Variants in OPCML observed in about 807,000 individuals in gnomAD.
The protein encoded by OPCML is opioid binding protein/cell adhesion molecule like.
OPCML carries 13 observed loss-of-function variants against 37.8 expected under a neutral mutation model. The observed-to-expected ratio is 0.34, with a 90% CI of 0.22 to 0.55. The LOEUF is 0.55. Among genes scored for constraint, OPCML ranks in the 20% least tolerant of loss-of-function variants. The probability of loss-of-function intolerance (pLI) is 0.91; values close to 1 mark genes in which losing one functional copy is unlikely to be tolerated. For synonymous variants in OPCML, 176 were observed against 168.8 expected (o/e 1.04, Z -0.33); for missense variants, 341 against 435.6 (o/e 0.78, Z 1.93).
chr11:133,497,856 C>A (rs1463085754), intron 1 of OPCML, among the ~76,000 whole-genome samples: 1 of 152,230 alleles, frequency 6.6e-6, no homozygotes, highest in Non-Finnish European at 1.5e-5. Flanking sequence ...CTTTATTAAA[C>A]CTGGGTCACC....
At chr11:132,734,663 T>C (rs1337198744) in intron 2 of OPCML, among the ~76,000 whole-genome samples, 2 of 152,214 alleles carry the variant, frequency 1.3e-5, no homozygotes, top group Non-Finnish European at 1.5e-5. Flanking sequence ...AACATTATTG[T>C]GGTTTTAATC....
chr11:133,125,933 A>G (rs1306751433), intron 1 of OPCML, among the ~76,000 whole-genome samples: 2 of 149,310 alleles, frequency 1.3e-5, no homozygotes, highest in Non-Finnish European at 3.0e-5. Context: ...GTATATACAC[A>G]TGTATATATA....
At chr11:133,314,018 G>A (rs61912384) in intron 1 of OPCML, among the ~76,000 whole-genome samples, 14,587 of 151,458 alleles carry the variant, frequency 0.096, 941 homozygotes, top group South Asian at 0.21. Context: ...GGCGGATCAC[G>A]AGGTCAGGAG....
At chr11:132,960,425 G>A (rs1420001071) in intron 1 of OPCML, among the ~76,000 whole-genome samples, 1 of 152,190 alleles carries the variant, frequency 6.6e-6, no homozygotes, top group Non-Finnish European at 1.5e-5. Flanking sequence ...CAGGAGGTTG[G>A]GGCGAGGCCA....
chr11:132,709,887 C>G (rs1944188985), intron 2 of OPCML, among the ~76,000 whole-genome samples: 1 of 152,206 alleles, frequency 6.6e-6, no homozygotes, highest in Admixed American at 6.5e-5. Context: ...CTAATTTAAG[C>G]ATTGGTCAGT....
rs1452237825 is a variant in OPCML at position 132,419,167 on chromosome 11, A to G, written c.*1026T>C. On this transcript the variant is annotated 3_prime_UTR_variant, in exon 8 of 8. Coordinates refer to ENST00000524381, the MANE Select transcript of OPCML (RefSeq NM_001012393.5). Reference sequence around the variant, plus strand: ...GCCAATGTCTGCTGATGGTGTATAAATGAATACAGTGGGAGAGATACAATA... The same window carrying G: ...GCCAATGTCTGCTGATGGTGTATAAGTGAATACAGTGGGAGAGATACAATA... 1.3e-5 allele frequency: 2 copies of G among 152,422 alleles called. No individual in the cohort carries two copies. The highest frequency in any genetic ancestry group is 4.8e-5 in the African/African-American group (2 of 41,474). 9.4% of individuals were successfully genotyped at this position (152,422 alleles called of 1,614,324 possible).
intron 2 of OPCML, among the ~76,000 whole-genome samples, chr11:132,796,607 T>A (rs971616977): frequency 7.1e-6 from 1 of 140,932 alleles, no homozygotes; most frequent in African/African-American, 2.6e-5. Context: ...GGAGCCTCGC[T>A]CTGTCACCCA....
chr11:132,828,852 G>C (rs1477795588), intron 2 of OPCML, among the ~76,000 whole-genome samples: 1 of 152,208 alleles, frequency 6.6e-6, no homozygotes, highest in Non-Finnish European at 1.5e-5. Flanking sequence ...GAACTGGGCA[G>C]AGAATATGAT....
intron 2 of OPCML, among the ~76,000 whole-genome samples, chr11:132,917,133 TA>T (rs1944633391): frequency 6.6e-6 from 1 of 152,110 alleles, no homozygotes; most frequent in African/African-American, 2.4e-5. Flanking sequence ...TGGAGTTAAT[TA>T]GACAAATACC....
intron 1 of OPCML, among the ~76,000 whole-genome samples, chr11:133,493,636 A>G (rs1044017596): frequency 2.0e-5 from 3 of 152,232 alleles, no homozygotes; most frequent in Admixed American, 6.5e-5. Flanking sequence ...AAAAATAAGC[A>G]TGCATTTAGT....
At chr11:132,740,511 T>C (rs1945403011) in intron 2 of OPCML, among the ~76,000 whole-genome samples, 1 of 152,196 alleles carries the variant, frequency 6.6e-6, no homozygotes, top group Admixed American at 6.5e-5. Context: ...TCAGACTATT[T>C]CTGTACCATC....
intron 1 of OPCML, among the ~76,000 whole-genome samples, chr11:133,409,005 C>T (rs1945587546): frequency 6.6e-6 from 1 of 152,190 alleles, no homozygotes; most frequent in African/African-American, 2.4e-5. Context: ...TGCCAGACTT[C>T]CTGGGTGTCT....
At chr11:132,695,396 G>C (rs924616534) in intron 2 of OPCML, among the ~76,000 whole-genome samples, 1 of 152,178 alleles carries the variant, frequency 6.6e-6, no homozygotes, top group African/African-American at 2.4e-5. Flanking sequence ...AAGTGCGGGA[G>C]GCAGGAGCAG....
At position 133,480,507 on chromosome 11, in the gene OPCML, G is replaced by A. The variant is rs149398440; in HGVS notation, c.61+51757C>T. On this transcript the variant is annotated intron_variant, in intron 1 of 7. Transcript: ENST00000524381. ...CTCGCCACGTGACTTAAGAGCCACAGTGTCTGGTTTATGATCTGCTCCCTC... is the reference window on the plus strand; with the variant it reads ...CTCGCCACGTGACTTAAGAGCCACAATGTCTGGTTTATGATCTGCTCCCTC... 2.5e-4 allele frequency among the ~76,000 whole-genome samples: 38 copies of A among 152,348 alleles called. 2 individuals carry two copies. In the East Asian group the frequency reaches 7.3e-3, roughly 29 times the overall value.
chr11:133,267,852 A>AT (rs1941707181), intron 1 of OPCML, among the ~76,000 whole-genome samples: 1 of 152,166 alleles, frequency 6.6e-6, no homozygotes, highest in South Asian at 2.1e-4. Flanking sequence ...ACCATGTAAG[A>AT]TGTGACTTTG....
chr11:132,736,455 C>T (rs547046748), intron 2 of OPCML, among the ~76,000 whole-genome samples: 30 of 152,098 alleles, frequency 2.0e-4, no homozygotes, highest in Admixed American at 4.6e-4. Context: ...ACTGTGATGG[C>T]CAACTTCTAA....
chr11:132,548,554 G>C (rs766875393), intron 3 of OPCML, among the ~76,000 whole-genome samples: 1 of 152,134 alleles, frequency 6.6e-6, no homozygotes, highest in African/African-American at 2.4e-5. Flanking sequence ...TAACACTGTC[G>C]TATAAAATAA....
At chr11:132,489,104 C>T (rs550933305) in intron 4 of OPCML, among the ~76,000 whole-genome samples, 1 of 152,282 alleles carries the variant, frequency 6.6e-6, no homozygotes, top group Non-Finnish European at 1.5e-5. Flanking sequence ...ATCCTTATTC[C>T]TTAAGCTTTT....
chr11:132,455,645 T>C (rs2096080182), intron 4 of OPCML, among the ~76,000 whole-genome samples: 1 of 152,246 alleles, frequency 6.6e-6, no homozygotes, highest in South Asian at 2.1e-4. Context: ...CTACATTATA[T>C]GTTCACTGTA....
Sources: gnomAD v4.1 joint callset for allele counts (sites outside exome capture counted in the v4.1 genomes callset) on GRCh38, gnomAD v4.1.1 for gene constraint, MANE v1.5 for transcripts, NCBI Gene and HGNC (gene_info 2026-07-23, HGNC 2026-07-21) for gene names.